Variants in PLXNA4 observed in about 807,000 individuals in gnomAD.
PLXNA4 encodes the protein plexin A4, also known as plexin-A4.
PLXNA4 carries 44 observed loss-of-function variants against 191.8 expected under a neutral mutation model. That is an observed-to-expected ratio of 0.23 (90% CI 0.18 to 0.29). PLXNA4 has a LOEUF of 0.29. Ranked by LOEUF, PLXNA4 falls within the 10% of genes least tolerant of loss-of-function variation. The pLI is 1.00. For missense variants in PLXNA4, 1,800 were observed against 2,488.8 expected, an observed-to-expected ratio of 0.72 and a Z score of 5.89; for synonymous variants, 1,082 against 1,009.5, an observed-to-expected ratio of 1.07 and a Z score of -1.36.
At chr7:132,331,616 C>T (rs1436392585) in intron 3 of PLXNA4, among the ~76,000 whole-genome samples, 2 of 152,188 alleles carry the variant, frequency 1.3e-5, no homozygotes, top group Admixed American at 6.5e-5. Flanking sequence ...GCTCACTCAG[C>T]CATTGCATGT....
At chr7:132,325,573 T>C (rs1052569465) in intron 3 of PLXNA4, among the ~76,000 whole-genome samples, 3 of 151,808 alleles carry the variant, frequency 2.0e-5, no homozygotes, top group Admixed American at 2.0e-4. Flanking sequence ...GAAAATGCCA[T>C]GTGGCCGATG....
intron 4 of PLXNA4, among the ~76,000 whole-genome samples, chr7:132,292,229 C>T (rs56277369): frequency 0.3 from 45,242 of 152,038 alleles, 7,243 homozygotes; most frequent in South Asian, 0.48. Context: ...CTGTCAAATG[C>T]CTCTTTCCTG....
chr7:132,152,990 T>C (rs948121461), intron 25 of PLXNA4, among the ~76,000 whole-genome samples: 1 of 152,220 alleles, frequency 6.6e-6, no homozygotes, highest in African/African-American at 2.4e-5. Context: ...CATGGCCAAC[T>C]GGGCATGAGA....
chr7:132,407,845 C>T (rs770654514), intron 3 of PLXNA4, among the ~76,000 whole-genome samples: 3 of 152,130 alleles, frequency 2.0e-5, no homozygotes, highest in Admixed American at 1.3e-4. Flanking sequence ...ACATCGGAAA[C>T]AAGAAATGTC....
chr7:132,479,786 A>G (rs2117469779), intron 3 of PLXNA4, among the ~76,000 whole-genome samples: 1 of 152,194 alleles, frequency 6.6e-6, no homozygotes, highest in East Asian at 1.9e-4. Flanking sequence ...AGTAGCTGGG[A>G]CTACAGGCAT....
At chr7:132,626,613 C>T (rs534936188) in intron 2 of PLXNA4, among the ~76,000 whole-genome samples, 1 of 152,332 alleles carries the variant, frequency 6.6e-6, no homozygotes, top group East Asian at 1.9e-4. Context: ...GTGCCTGCTT[C>T]CACTTTGCTT....
chr7:132,310,866 A>G (rs1801702045), intron 3 of PLXNA4, among the ~76,000 whole-genome samples: 6 of 151,998 alleles, frequency 3.9e-5, no homozygotes, highest in Admixed American at 3.9e-4. Flanking sequence ...GAGAGAGGCT[A>G]AGAACAGCCC....
intron 1 of PLXNA4, among the ~76,000 whole-genome samples, chr7:132,533,219 C>G (rs1207860784): frequency 6.6e-6 from 1 of 152,154 alleles, no homozygotes; most frequent in Non-Finnish European, 1.5e-5. Flanking sequence ...ATGCACAGTA[C>G]TCAGCACAGT....
At position 132,451,989 on chromosome 7, in the gene PLXNA4, C is replaced by T. The variant is rs188425537; in HGVS notation, c.1371+37303G>A. 3.9e-5 allele frequency among the ~76,000 whole-genome samples: 6 copies of T among 152,364 alleles called. No homozygotes were observed. The East Asian group carries it at 9.7e-4, about 25-fold the overall frequency. On this transcript the variant is annotated intron_variant, in intron 3 of 31. Coordinates refer to ENST00000321063, the MANE Select transcript of PLXNA4 (RefSeq NM_020911.2). ...CAAAGTATCAGACACCAAAATATTA[C>T]ATCACACTCCCTGCCCACTTCCTTC... is the stretch of plus-strand genomic sequence containing the variant.
chr7:132,362,629 C>G (rs1462434566), intron 3 of PLXNA4, among the ~76,000 whole-genome samples: 1 of 152,094 alleles, frequency 6.6e-6, no homozygotes, highest in South Asian at 2.1e-4. Context: ...CTGATGTCTG[C>G]CATAAGGGTT....
rs573311318 is a variant in PLXNA4, at chr7:132,528,579, A to G, written c.-86-19800T>C. 1.1e-4 allele frequency among the ~76,000 whole-genome samples: 17 copies of G among 152,350 alleles called. No individual in the cohort carries two copies. The East Asian group carries it at 3.3e-3, about 29-fold the overall frequency. On this transcript the variant is annotated intron_variant, in intron 1 of 31. Coordinates refer to ENST00000321063, the MANE Select transcript of PLXNA4 (RefSeq NM_020911.2). ...ACCCAAGCCTGATGAATGGGACTGA[A>G]TGAGAAGCCTGCCAGGGGCTTCAGG...
intron 3 of PLXNA4, among the ~76,000 whole-genome samples, chr7:132,322,174 C>T (rs1584990086): frequency 1.7e-5 from 2 of 117,744 alleles, no homozygotes; most frequent in Non-Finnish European, 3.5e-5. Context: ...GTTCAATTTC[C>T]CTAAAAGGGC....
chr7:132,465,296 G>T (rs569371672), intron 3 of PLXNA4, among the ~76,000 whole-genome samples: 12 of 152,350 alleles, frequency 7.9e-5, no homozygotes, highest in African/African-American at 2.9e-4. Flanking sequence ...AAAACTGAGA[G>T]GGAAGCTCTG....
intron 4 of PLXNA4, among the ~76,000 whole-genome samples, chr7:132,250,353 C>T (rs1010189711): frequency 2.6e-5 from 4 of 152,208 alleles, no homozygotes; most frequent in African/African-American, 9.6e-5. Flanking sequence ...TGAATGCTTG[C>T]ATGCACGCAT....
At chr7:132,630,848 C>T (rs890922347) in intron 2 of PLXNA4, among the ~76,000 whole-genome samples, 6 of 152,074 alleles carry the variant, frequency 3.9e-5, no homozygotes, top group Non-Finnish European at 7.4e-5. Context: ...GTGGAGTTTT[C>T]GGAGGAAGTA....
chr7:132,422,278 T>A (rs1794876767), intron 3 of PLXNA4, among the ~76,000 whole-genome samples: 1 of 152,130 alleles, frequency 6.6e-6, no homozygotes, highest in African/African-American at 2.4e-5. Context: ...ACAGAACTGA[T>A]CTCTCACCTC....
chr7:132,344,776 A>G (rs564155284), intron 3 of PLXNA4, among the ~76,000 whole-genome samples: 1 of 152,336 alleles, frequency 6.6e-6, no homozygotes, highest in South Asian at 2.1e-4. Context: ...TTAAGTGTCA[A>G]GCAAGAGATC....
intron 3 of PLXNA4, among the ~76,000 whole-genome samples, chr7:132,342,370 T>A (rs2116752385): frequency 6.6e-6 from 1 of 151,968 alleles, no homozygotes; most frequent in African/African-American, 2.4e-5. Flanking sequence ...TATAATGAGT[T>A]ACAAACAGAT....
intron 3 of PLXNA4, among the ~76,000 whole-genome samples, chr7:132,439,484 A>T (rs1288714567): frequency 1.2e-5 from 1 of 86,530 alleles, no homozygotes; most frequent in Admixed American, 1.2e-4. Context: ...ATATACACAC[A>T]TATGCATATA....
Sources: gnomAD v4.1 joint callset for allele counts (sites outside exome capture counted in the v4.1 genomes callset) on GRCh38, gnomAD v4.1.1 for gene constraint, MANE v1.5 for transcripts, NCBI Gene and HGNC (gene_info 2026-07-23, HGNC 2026-07-21) for gene names.